Variants in GRID1 observed in about 807,000 individuals in gnomAD.
GRID1 encodes glutamate receptor ionotropic, delta-1.
Under a neutral mutation model 98.0 loss-of-function variants are expected in GRID1, and 28 were observed. That is an observed-to-expected ratio of 0.29 (90% confidence interval 0.21 to 0.39). The LOEUF (loss-of-function observed/expected upper bound fraction) is 0.39, where lower values mean the gene tolerates loss of function less well. Among genes scored for constraint, GRID1 ranks in the 10% least tolerant of loss-of-function variants. GRID1 has a pLI of 1.00. For missense variants in GRID1, 1,111 were observed against 1,340.5 expected (o/e 0.83, Z 2.67); for synonymous variants, 553 against 538.5 (o/e 1.03, Z -0.37).
chr10:85,928,490 C>A lies in GRID1; in HGVS notation c.727-12251G>T, dbSNP rs189936427. On this transcript the variant is annotated intron_variant, in intron 4 of 15. Coordinates refer to ENST00000327946, the MANE Select transcript of GRID1 (RefSeq NM_017551.3). ...ACTGGCAGGCTTGGCCTGCAGACAC[C>A]AAGTCACTCCAGCTGCAGAACTGGT... Among the ~76,000 whole-genome samples the A allele has an allele frequency of 3.2e-3, 485 of 152,290 alleles. 2 individuals are homozygous for A. The highest frequency in any genetic ancestry group is 0.011 in the African/African-American group (463 of 41,574).
intron 13 of GRID1, among the ~76,000 whole-genome samples, chr10:85,642,559 A>G (rs1256519313): frequency 6.6e-6 from 1 of 152,180 alleles, no homozygotes; most frequent in Admixed American, 6.5e-5. Flanking sequence ...CAGCAAACAG[A>G]TGACTCATTC....
chr10:85,689,108 G>A (rs1228887632), intron 12 of GRID1, among the ~76,000 whole-genome samples: 3 of 152,042 alleles, frequency 2.0e-5, no homozygotes, highest in South Asian at 2.1e-4. Context: ...TGTCTCCGTC[G>A]AGCACGCACA....
At chr10:86,168,779 T>C (rs908837473) in intron 3 of GRID1, among the ~76,000 whole-genome samples, 3 of 152,124 alleles carry the variant, frequency 2.0e-5, no homozygotes, top group African/African-American at 7.2e-5. Context: ...AAAGACCTTC[T>C]TCTAACTCAC....
chr10:86,332,726 G>C (rs927692366), intron 2 of GRID1, among the ~76,000 whole-genome samples: 5 of 151,848 alleles, frequency 3.3e-5, no homozygotes, highest in Non-Finnish European at 5.9e-5. Flanking sequence ...GGTCCCCCAA[G>C]TACCCCAAAC....
At chr10:85,920,262 A>C (rs961625489) in intron 4 of GRID1, among the ~76,000 whole-genome samples, 4 of 152,182 alleles carry the variant, frequency 2.6e-5, no homozygotes, top group African/African-American at 9.7e-5. Context: ...AACTTGAGAC[A>C]AACACCTCCC....
At chr10:85,788,115 G>C (rs1265905396) in intron 8 of GRID1, among the ~76,000 whole-genome samples, 1 of 151,772 alleles carries the variant, frequency 6.6e-6, no homozygotes, top group Admixed American at 6.6e-5. Context: ...CCCCTTAGCA[G>C]AATGTCTGAC....
At chr10:86,191,333 G>A (rs1293037594) in intron 3 of GRID1, among the ~76,000 whole-genome samples, 2 of 152,160 alleles carry the variant, frequency 1.3e-5, no homozygotes, top group African/African-American at 4.8e-5. Context: ...GAGGATGGAG[G>A]AATAGCTTTC....
intron 4 of GRID1, among the ~76,000 whole-genome samples, chr10:86,088,897 CAA>C (rs3057914): frequency 1.4e-5 from 2 of 141,472 alleles, no homozygotes; most frequent in African/African-American, 2.6e-5. Context: ...TAGATGCAGG[CAA>C]AAAAAAAAAT....
At chr10:86,015,226 C>G (rs1433211637) in intron 4 of GRID1, among the ~76,000 whole-genome samples, 1 of 152,182 alleles carries the variant, frequency 6.6e-6, no homozygotes, top group Admixed American at 6.5e-5. Flanking sequence ...ATAGCAGGTG[C>G]TCAAAAATAT....
intron 8 of GRID1, among the ~76,000 whole-genome samples, chr10:85,773,464 T>G (rs550140476): frequency 3.2e-4 from 49 of 152,302 alleles, no homozygotes; most frequent in African/African-American, 1.2e-3. Flanking sequence ...GTGTTGGAAG[T>G]TCTGGCCAGG....
At chr10:85,864,521 C>T (rs1434955642) in intron 6 of GRID1, among the ~76,000 whole-genome samples, 1 of 152,212 alleles carries the variant, frequency 6.6e-6, no homozygotes, top group Non-Finnish European at 1.5e-5. Flanking sequence ...AAAGCCTTCC[C>T]CACTCTCCAT....
intron 2 of GRID1, among the ~76,000 whole-genome samples, chr10:86,243,401 C>T (rs1846668955): frequency 6.6e-6 from 1 of 152,158 alleles, no homozygotes; most frequent in African/African-American, 2.4e-5. Flanking sequence ...GCTGTGCCCA[C>T]CCCTCCTCAT....
At chr10:86,246,606 G>T (rs1162243463) in intron 2 of GRID1, among the ~76,000 whole-genome samples, 1 of 152,132 alleles carries the variant, frequency 6.6e-6, no homozygotes, top group Non-Finnish European at 1.5e-5. Context: ...CCTCCTCAAA[G>T]CCCCTGCCTC....
intron 2 of GRID1, among the ~76,000 whole-genome samples, chr10:86,214,470 C>T (rs1048010779): frequency 1.3e-5 from 2 of 152,228 alleles, no homozygotes; most frequent in Non-Finnish European, 2.9e-5. Flanking sequence ...CAAACATTTG[C>T]CATGTTGGAC....
intron 13 of GRID1, chr10:85,646,931 C>T: frequency 2.0e-6 from 1 of 495,240 alleles, no homozygotes; most frequent in South Asian, 2.4e-5. Flanking sequence ...GTGTCACCCT[C>T]CTATGAGCCC....
intron 8 of GRID1, among the ~76,000 whole-genome samples, chr10:85,764,784 T>G (rs375417259): frequency 6.6e-6 from 1 of 152,202 alleles, no homozygotes. Flanking sequence ...TGTTTAACAT[T>G]GCATGCATGT....
At chr10:85,759,123 G>C (rs1049585282) in intron 8 of GRID1, among the ~76,000 whole-genome samples, 27 of 152,190 alleles carry the variant, frequency 1.8e-4, no homozygotes, top group African/African-American at 6.3e-4. Flanking sequence ...CAGTCTCTGA[G>C]TCTTGGTCAT....
At position 85,601,357 on chromosome 10, in the gene GRID1, G is replaced by C. The variant is rs1414101315; in HGVS notation, c.*916C>G. ...GCCTTTTGTTCCACCACCTCACCTG[G>C]TCCATGCAACTAACCCCACCTCGCA... On this transcript the variant is annotated 3_prime_UTR_variant, in exon 16 of 16. Coordinates refer to ENST00000327946, the MANE Select transcript of GRID1 (RefSeq NM_017551.3). The C allele has an allele frequency of 6.6e-6, 1 of 152,184 alleles. No individual in the cohort carries two copies. Among genetic ancestry groups the C allele is most frequent in the Admixed American group, 6.6e-5 (1 of 15,242 alleles). The allele number at this position is 152,184 out of a possible 1,614,324, so 9.4% of individuals were successfully genotyped here. A position where few individuals can be genotyped will look rare whatever the true frequency, so the allele number is the denominator to read the frequency against.
intron 4 of GRID1, among the ~76,000 whole-genome samples, chr10:86,077,954 G>A (rs969128298): frequency 1.3e-5 from 2 of 152,252 alleles, no homozygotes; most frequent in Non-Finnish European, 2.9e-5. Flanking sequence ...AGGCTCACTG[G>A]GAAGGATCCT....
Sources: gnomAD v4.1 joint callset for allele counts (sites outside exome capture counted in the v4.1 genomes callset) on GRCh38, gnomAD v4.1.1 for gene constraint, MANE v1.5 for transcripts, NCBI Gene and HGNC (gene_info 2026-07-23, HGNC 2026-07-21) for gene names.